USP6NL: variants seen among roughly 807,000 people sequenced by gnomAD.
The protein encoded by USP6NL is USP6 N-terminal like, also known as USP6 N-terminal-like protein.
In USP6NL, 26 loss-of-function variants were observed where a neutral mutation model predicts 61.9. The ratio of observed to expected loss-of-function variants is 0.42; its 90% CI spans 0.31 to 0.58. The LOEUF (loss-of-function observed/expected upper bound fraction) is 0.58, where lower values mean the gene tolerates loss of function less well. USP6NL is among the 20% of genes least tolerant of loss of function. The pLI is 0.16. For missense variants in USP6NL, 1,114 were observed against 1,034.3 expected (o/e 1.08, Z -1.06); for synonymous variants, 432 against 390.1 (o/e 1.11, Z -1.27).
At chr10:11,552,724 C>T (rs559777682) in intron 2 of USP6NL, among the ~76,000 whole-genome samples, 10 of 152,206 alleles carry the variant, frequency 6.6e-5, no homozygotes, top group Non-Finnish European at 1.5e-4. Flanking sequence ...TAATGAAACA[C>T]TTATTTCCTT....
At chr10:11,514,056 G>A (rs1834846815) in intron 5 of USP6NL, among the ~76,000 whole-genome samples, 1 of 152,208 alleles carries the variant, frequency 6.6e-6, no homozygotes, top group South Asian at 2.1e-4. Context: ...TAGCGATGAT[G>A]CTACAGTTTC....
rs963150438 is a variant in USP6NL, at chr10:11,602,210, G to A, written c.-83-4493C>T. 2.0e-5 allele frequency among the ~76,000 whole-genome samples: 3 copies of A among 151,998 alleles called. No homozygotes were observed. Among genetic ancestry groups the A allele is most frequent in the East Asian group, 1.9e-4 (1 of 5,190 alleles). On this transcript the variant is annotated intron_variant, in intron 1 of 14. Transcript: ENST00000609104. The surrounding 1 kb of genome is among the most constrained non-coding windows in gnomAD (Gnocchi z 4.8). ...ATAAACAACGAGCAACGTATTTAAC[G>A]CAACTTTCTCATCAAGTCAGAAAGA... is the stretch of plus-strand genomic sequence containing the variant.
intron 2 of USP6NL, among the ~76,000 whole-genome samples, chr10:11,538,876 T>C (rs1022575477): frequency 6.6e-5 from 10 of 152,126 alleles, no homozygotes; most frequent in Admixed American, 2.0e-4. Flanking sequence ...ACTCATCTGC[T>C]GTGTTTGTGC....
rs1168794178 is a variant in USP6NL at position 11,478,898 on chromosome 10, C to T, written c.1078+2872G>A. Among the ~76,000 whole-genome samples, 3 of 138,190 alleles carry T rather than the reference C, an allele frequency of 2.2e-5. No homozygotes were observed. The highest frequency in any genetic ancestry group is 7.1e-5 in the Admixed American group (1 of 14,140). 90.7% of individuals were successfully genotyped at this position (138,190 alleles called of 152,430 possible). A position where few individuals can be genotyped will look rare whatever the true frequency, so the allele number is the denominator to read the frequency against. On this transcript the variant is annotated intron_variant, in intron 14 of 14. Coordinates refer to ENST00000609104, the MANE Select transcript of USP6NL (RefSeq NM_014688.5). The surrounding 1 kb of genome is among the most constrained non-coding windows in gnomAD (Gnocchi z 6.8). ...TCCAGCCTAGGCAACAGAGTGAGAC[C>T]CTGTCTCATGTTTAAAAAGTGTAAC...
At chr10:11,610,962 C>G (rs1236876974) in intron 1 of USP6NL, among the ~76,000 whole-genome samples, 1 of 152,142 alleles carries the variant, frequency 6.6e-6, no homozygotes, top group African/African-American at 2.4e-5. Flanking sequence ...GCACGGATTT[C>G]CAAGACTTGC....
chr10:11,539,273 G>A (rs1033401613), intron 2 of USP6NL, among the ~76,000 whole-genome samples: 1 of 152,180 alleles, frequency 6.6e-6, no homozygotes, highest in African/African-American at 2.4e-5. Flanking sequence ...CCAGTGGGCA[G>A]GTCTAAGTCA....
intron 5 of USP6NL, among the ~76,000 whole-genome samples, chr10:11,516,483 C>T (rs1313491084): frequency 6.6e-6 from 1 of 152,182 alleles, no homozygotes; most frequent in Non-Finnish European, 1.5e-5. Context: ...AAGAACTTAA[C>T]TCAAACCTGA....
At position 11,495,250 on chromosome 10, in the gene USP6NL, C is replaced by T. The variant is rs1457669588; in HGVS notation, c.385-2022G>A. On this transcript the variant is annotated intron_variant, in intron 7 of 14. Transcript: ENST00000609104. This position sits in a 1 kb window ranked among gnomAD's most constrained non-coding sequence, Gnocchi z 4.6. The stretch of plus-strand genomic sequence containing the variant: ...TTTTTCCTAGGTTATGATTATAGAG[C>T]GAGGATTATTATAATATTGGAATAT... Among the ~76,000 whole-genome samples the T allele has an allele frequency of 1.3e-5, 2 of 151,964 alleles. No individual in the cohort carries two copies. Among genetic ancestry groups the T allele is most frequent in the African/African-American group, 2.4e-5 (1 of 41,340 alleles).
chr10:11,555,114 T>G (rs182264911), intron 2 of USP6NL, among the ~76,000 whole-genome samples: 15,871 of 146,306 alleles, frequency 0.11, 1,406 homozygotes, highest in East Asian at 0.42. Context: ...TTTTGGTTTT[T>G]TTTTTTAAGA....
rs780490836 is a variant in USP6NL, at chr10:11,520,284, G to A, written c.156-1710C>T. 8.4e-4 allele frequency among the ~76,000 whole-genome samples: 128 copies of A among 152,222 alleles called. No homozygotes were observed. The highest frequency in any genetic ancestry group is 1.3e-3 in the Non-Finnish European group (87 of 68,042). ...CTTCAGACCTCATAGATGGATGATA[G>A]AGTAAATATGTGGTCCAGCTTTCCT... On this transcript the variant is annotated intron_variant, in intron 4 of 14. Coordinates refer to ENST00000609104, the MANE Select transcript of USP6NL (RefSeq NM_014688.5). The surrounding 1 kb of genome is among the most constrained non-coding windows in gnomAD (Gnocchi z 5.2).
intron 14 of USP6NL, among the ~76,000 whole-genome samples, chr10:11,473,813 C>T (rs555833709): frequency 9.2e-5 from 14 of 152,180 alleles, no homozygotes; most frequent in African/African-American, 3.4e-4. Flanking sequence ...CAAATTATTG[C>T]CCTACCAAAT....
At chr10:11,599,386 T>G (rs1012516927) in intron 1 of USP6NL, among the ~76,000 whole-genome samples, 1 of 152,242 alleles carries the variant, frequency 6.6e-6, no homozygotes, top group African/African-American at 2.4e-5. Context: ...TAAAGCACCT[T>G]GTGCGATGTA....
At chr10:11,573,022 A>G (rs1263236535) in intron 2 of USP6NL, among the ~76,000 whole-genome samples, 1 of 149,498 alleles carries the variant, frequency 6.7e-6, no homozygotes, top group Non-Finnish European at 1.5e-5. Context: ...TTCTAGACAC[A>G]CGCTATGAAT....
intron 5 of USP6NL, among the ~76,000 whole-genome samples, chr10:11,517,097 T>C (rs1439365972): frequency 2.0e-5 from 3 of 152,224 alleles, no homozygotes; most frequent in African/African-American, 4.8e-5. Flanking sequence ...GTTAAAGATA[T>C]CTTCCAACTC....
In USP6NL at chr10:11,600,292, A is replaced by G. The variant is rs1483060022; in HGVS notation, c.-83-2575T>C. ...AATGGTTCTAACTGGAGGCTTGAGG[A>G]GCACTGAGGCAGCCTGCCTTCCCTT... is the stretch of plus-strand genomic sequence containing the variant. On this transcript the variant is annotated intron_variant, in intron 1 of 14. Transcript: ENST00000609104. This position sits in a 1 kb window ranked among gnomAD's most constrained non-coding sequence, Gnocchi z 4.1. 2.0e-5 allele frequency among the ~76,000 whole-genome samples: 3 copies of G among 152,178 alleles called. No homozygotes were observed. In the East Asian group the frequency reaches 5.8e-4, roughly 29 times the overall value.
chr10:11,505,342 A>G (rs938821791), intron 6 of USP6NL, among the ~76,000 whole-genome samples: 3 of 152,208 alleles, frequency 2.0e-5, no homozygotes, highest in Non-Finnish European at 2.9e-5. Context: ...AAATTAATTC[A>G]TTCATTGTAA....
At position 11,532,755 on chromosome 10, in the gene USP6NL, A is replaced by G. The variant is rs1278634302; in HGVS notation, c.5-5188T>C. Among the ~76,000 whole-genome samples the G allele has an allele frequency of 2.0e-5, 3 of 152,248 alleles. No homozygotes were observed. The highest frequency in any genetic ancestry group is 1.5e-5 in the Non-Finnish European group (1 of 68,042). ...ATTTTATATCTTAATGTAATTTTTAATAATAATTCTTAATGTGAAAATTGT... is the reference window on the plus strand; with the variant it reads ...ATTTTATATCTTAATGTAATTTTTAGTAATAATTCTTAATGTGAAAATTGT... On this transcript the variant is annotated intron_variant, in intron 2 of 14. Transcript: ENST00000609104. The surrounding 1 kb of genome is among the most constrained non-coding windows in gnomAD (Gnocchi z 4.1).
chr10:11,572,687 C>T (rs1837406999), intron 2 of USP6NL, among the ~76,000 whole-genome samples: 1 of 151,938 alleles, frequency 6.6e-6, no homozygotes, highest in Non-Finnish European at 1.5e-5. Flanking sequence ...CATTTTATAT[C>T]TGAGTTATAT....
intron 4 of USP6NL, among the ~76,000 whole-genome samples, chr10:11,519,493 G>T (rs1053899669): frequency 6.6e-6 from 1 of 152,126 alleles, no homozygotes; most frequent in African/African-American, 2.4e-5. Context: ...AAACAGGTAT[G>T]TTGGCAGGTG....
Sources: allele counts gnomAD v4.1 joint callset (sites outside exome capture counted in the v4.1 genomes callset), GRCh38; gene constraint gnomAD v4.1.1; non-coding constraint Gnocchi (gnomAD v3.1); transcripts MANE v1.5; gene names NCBI Gene and HGNC (gene_info 2026-07-23, HGNC 2026-07-21).